The following ZBTB7C variants were observed in gnomAD, a reference collection of about 807,000 sequenced individuals.
The protein encoded by ZBTB7C is zinc finger and BTB domain-containing protein 7C.
Under a neutral mutation model 25.7 loss-of-function variants are expected in ZBTB7C, and 8 were observed. The ratio of observed to expected loss-of-function variants is 0.31; its 90% CI spans 0.18 to 0.56. The LOEUF (loss-of-function observed/expected upper bound fraction) is 0.56. ZBTB7C is among the 20% of genes least tolerant of loss of function. The probability of loss-of-function intolerance (pLI) is 0.91; values close to 1 mark genes in which losing one functional copy is unlikely to be tolerated. For synonymous variants in ZBTB7C, 394 were observed against 369.0 expected, an observed-to-expected ratio of 1.07 and a Z score of -0.78; for missense variants, 824 against 855.2, an observed-to-expected ratio of 0.96 and a Z score of 0.46.
intron 3 of ZBTB7C, among the ~76,000 whole-genome samples, chr18:48,043,851 T>TAATC (rs2036360634): frequency 6.6e-6 from 1 of 152,170 alleles, no homozygotes. Context: ...CTAAAGCCAC[T>TAATC]AATCAATCTC....
rs78528903 is a variant in ZBTB7C at position 48,349,753 on chromosome 18, G to A, written c.-303-11355C>T. Among the ~76,000 whole-genome samples, 447 of 152,292 alleles carry A rather than the reference G, an allele frequency of 2.9e-3. 3 individuals are homozygous for A. Among genetic ancestry groups the A allele is most frequent in the African/African-American group, 0.01 (426 of 41,560 alleles). On this transcript the variant is annotated intron_variant, in intron 1 of 4. Transcript: ENST00000590800. ...CCATTAGGGCCCAAGATGGCAAAGG[G>A]CCTAGAAATTCCACATTTAACAGAG...
chr18:48,287,817 T>C (rs2045102608), intron 2 of ZBTB7C, among the ~76,000 whole-genome samples: 1 of 152,192 alleles, frequency 6.6e-6, no homozygotes, highest in Admixed American at 6.5e-5. Flanking sequence ...AATCATATAG[T>C]CATCTTATAA....
At chr18:48,193,479 A>C (rs1388951873) in intron 2 of ZBTB7C, among the ~76,000 whole-genome samples, 1 of 152,256 alleles carries the variant, frequency 6.6e-6, no homozygotes, top group Non-Finnish European at 1.5e-5. Flanking sequence ...CATCCAAAAA[A>C]AAACCTGATT....
At position 48,080,177 on chromosome 18, in the gene ZBTB7C, C is replaced by G. The variant is rs991052042; in HGVS notation, c.-16-39054G>C. On this transcript the variant is annotated intron_variant, in intron 3 of 4. Coordinates refer to ENST00000590800, the MANE Select transcript of ZBTB7C (RefSeq NM_001318841.2). ...TGGAGTACAAGGGCTTCTGAGCCAGCCTGCTGTCACTCTTAACACTTCAGT... is the reference window on the plus strand; with the variant it reads ...TGGAGTACAAGGGCTTCTGAGCCAGGCTGCTGTCACTCTTAACACTTCAGT... Among the ~76,000 whole-genome samples the G allele has an allele frequency of 1.3e-5, 2 of 152,196 alleles. 1 individual carries two copies. Among genetic ancestry groups the G allele is most frequent in the African/African-American group, 4.8e-5 (2 of 41,446 alleles).
intron 3 of ZBTB7C, among the ~76,000 whole-genome samples, chr18:48,178,964 G>T (rs2145081313): frequency 6.6e-6 from 1 of 152,242 alleles, no homozygotes; most frequent in African/African-American, 2.4e-5. Flanking sequence ...GACCCCTCCT[G>T]GTCCCAGGAG....
intron 2 of ZBTB7C, among the ~76,000 whole-genome samples, chr18:48,285,799 G>A (rs1446175809): frequency 6.6e-6 from 1 of 152,036 alleles, no homozygotes; most frequent in East Asian, 1.9e-4. Context: ...ACATCAGCTT[G>A]GGGTTCCATT....
intron 4 of ZBTB7C, among the ~76,000 whole-genome samples, chr18:48,037,227 C>T (rs2036011525): frequency 6.6e-6 from 1 of 152,236 alleles, no homozygotes; most frequent in Non-Finnish European, 1.5e-5. Flanking sequence ...TGCAATGCAG[C>T]AGCTTCAGCT....
At chr18:48,285,731 A>AT (rs940605083) in intron 2 of ZBTB7C, among the ~76,000 whole-genome samples, 1 of 151,562 alleles carries the variant, frequency 6.6e-6, no homozygotes, top group African/African-American at 2.4e-5. Context: ...GCCCTAAAAC[A>AT]TTTTTTTTCA....
At chr18:48,306,064 CA>C (rs2045666852) in intron 2 of ZBTB7C, among the ~76,000 whole-genome samples, 1 of 152,210 alleles carries the variant, frequency 6.6e-6, no homozygotes, top group African/African-American at 2.4e-5. Context: ...TGTCTGTGAA[CA>C]AACATTAGTT....
chr18:48,389,244 T>TCTCTCTCTC (rs1599021222), intron 1 of ZBTB7C, among the ~76,000 whole-genome samples: 1 of 114,944 alleles, frequency 8.7e-6, no homozygotes, highest in African/African-American at 3.4e-5. Flanking sequence ...CTCGTGTGTG[T>TCTCTCTCTC]GTGTGTGTGT....
At chr18:48,383,825 C>T (rs535975883) in intron 1 of ZBTB7C, among the ~76,000 whole-genome samples, 18 of 151,418 alleles carry the variant, frequency 1.2e-4, no homozygotes, top group African/African-American at 4.1e-4. Context: ...TCATGACTTC[C>T]CTCAGCACAC....
At chr18:48,262,313 A>G (rs1290895098) in intron 2 of ZBTB7C, among the ~76,000 whole-genome samples, 1 of 152,164 alleles carries the variant, frequency 6.6e-6, no homozygotes, top group Non-Finnish European at 1.5e-5. Context: ...TTGAAGGATG[A>G]AGTACTTGGA....
chr18:48,290,279 C>T lies in ZBTB7C; in HGVS notation c.-79+47895G>A, dbSNP rs563302084. On this transcript the variant is annotated intron_variant, in intron 2 of 4. Coordinates refer to ENST00000590800, the MANE Select transcript of ZBTB7C (RefSeq NM_001318841.2). Reference sequence around the variant, plus strand: ...TTAGGTCCAGCCAGGACTCCAAGGTCCAAAAGCCAAAGTGCCCCAGCCTCA... The same window carrying T: ...TTAGGTCCAGCCAGGACTCCAAGGTTCAAAAGCCAAAGTGCCCCAGCCTCA... 5.3e-5 allele frequency among the ~76,000 whole-genome samples: 8 copies of T among 152,314 alleles called. No individual in the cohort carries two copies. The South Asian group carries it at 1.4e-3, about 28-fold the overall frequency.
At chr18:48,074,347 G>A (rs185437263) in intron 3 of ZBTB7C, among the ~76,000 whole-genome samples, 128 of 152,266 alleles carry the variant, frequency 8.4e-4, no homozygotes, top group African/African-American at 2.9e-3. Context: ...CCCTCCATCT[G>A]GGGGGCAGTC....
At chr18:48,280,538 G>A (rs1374929581) in intron 2 of ZBTB7C, among the ~76,000 whole-genome samples, 1 of 152,002 alleles carries the variant, frequency 6.6e-6, no homozygotes, top group African/African-American at 2.4e-5. Flanking sequence ...AGAACAAAAG[G>A]TGCCCACAGA....
In ZBTB7C at chr18:48,296,940, T is replaced by A. The variant is rs139835284; in HGVS notation, c.-79+41234A>T. Among the ~76,000 whole-genome samples the A allele has an allele frequency of 4.6e-3, 694 of 152,318 alleles. 2 individuals carry two copies. The highest frequency in any genetic ancestry group is 8.1e-3 in the South Asian group (39 of 4,822). On this transcript the variant is annotated intron_variant, in intron 2 of 4. Coordinates refer to ENST00000590800, the MANE Select transcript of ZBTB7C (RefSeq NM_001318841.2). ...CAACATGGCCAAACCCCGTCTCTACTAAAAGCACAAAAATTAGCCGGGTAT... is the reference window on the plus strand; with the variant it reads ...CAACATGGCCAAACCCCGTCTCTACAAAAAGCACAAAAATTAGCCGGGTAT...
chr18:48,130,248 T>C (rs1001288191), intron 3 of ZBTB7C, among the ~76,000 whole-genome samples: 23 of 152,212 alleles, frequency 1.5e-4, no homozygotes, highest in African/African-American at 5.5e-4. Flanking sequence ...TTTAGTCACT[T>C]TGTCATTTAC....
intron 2 of ZBTB7C, among the ~76,000 whole-genome samples, chr18:48,293,482 C>T (rs1272587909): frequency 6.6e-6 from 1 of 152,194 alleles, no homozygotes; most frequent in Non-Finnish European, 1.5e-5. Flanking sequence ...CATCGTCTGG[C>T]ACTTAGTATT....
intron 1 of ZBTB7C, among the ~76,000 whole-genome samples, chr18:48,392,436 G>A (rs2047923979): frequency 6.6e-6 from 1 of 152,164 alleles, no homozygotes. Context: ...GCAAGCTATG[G>A]CTGTGTTTCT....
Sources: gnomAD v4.1 joint callset for allele counts (sites outside exome capture counted in the v4.1 genomes callset) on GRCh38, gnomAD v4.1.1 for gene constraint, MANE v1.5 for transcripts, NCBI Gene and HGNC (gene_info 2026-07-23, HGNC 2026-07-21) for gene names.